COL6A5: variants seen among roughly 807,000 people sequenced by gnomAD.
The protein encoded by COL6A5 is collagen alpha-5(VI) chain.
COL6A5 carries 48 observed loss-of-function variants against 65.6 expected under a neutral mutation model. That is an observed-to-expected ratio of 0.73 (90% CI 0.58 to 0.93). The LOEUF is 0.93. Among genes scored for constraint, COL6A5 ranks in the 40% least tolerant of loss-of-function variants. The probability of loss-of-function intolerance (pLI) is 0.00; values close to 1 mark genes in which losing one functional copy is unlikely to be tolerated. For missense variants in COL6A5, 914 were observed against 928.3 expected (o/e 0.98, Z 0.20); for synonymous variants, 291 against 322.8 (o/e 0.90, Z 1.05).
intron 1 of COL6A5, among the ~76,000 whole-genome samples, chr3:130,371,758 A>T (rs1935571091): frequency 6.6e-6 from 1 of 152,184 alleles, no homozygotes; most frequent in Admixed American, 6.5e-5. Context: ...TCATGACTGT[A>T]GGCAATGGTG....
chr3:130,361,727 C>T (rs932220690), intron 1 of COL6A5, among the ~76,000 whole-genome samples: 2 of 152,082 alleles, frequency 1.3e-5, no homozygotes, highest in African/African-American at 4.8e-5. Context: ...GTTTCACATT[C>T]TTGCCAGCAT....
At chr3:130,346,203 A>G (rs1559849363) in intron 1 of COL6A5, among the ~76,000 whole-genome samples, 2 of 152,212 alleles carry the variant, frequency 1.3e-5, no homozygotes, top group African/African-American at 2.4e-5. Flanking sequence ...GTGTGATGCA[A>G]GGACTAATAG....
chr3:130,369,133 G>T (rs561936779), intron 1 of COL6A5, among the ~76,000 whole-genome samples: 14 of 152,300 alleles, frequency 9.2e-5, no homozygotes, highest in African/African-American at 3.1e-4. Context: ...TAGAAGGCAG[G>T]CATTAGGGAG....
At chr3:130,411,578 C>T (rs1032252061) in intron 20 of COL6A5, among the ~76,000 whole-genome samples, 8 of 152,110 alleles carry the variant, frequency 5.3e-5, no homozygotes, top group Admixed American at 2.0e-4. Context: ...GGGACTTTGC[C>T]CTCTTCTTCA....
chr3:130,464,718 T>A (rs1709774640), intron 5 of COL6A5, among the ~76,000 whole-genome samples: 1 of 152,142 alleles, frequency 6.6e-6, no homozygotes, highest in Non-Finnish European at 1.5e-5. Context: ...TGTTTTGTTG[T>A]TTAATCAGGG....
chr3:130,398,518 C>G (rs1936696631), intron 10 of COL6A5, among the ~76,000 whole-genome samples: 1 of 152,140 alleles, frequency 6.6e-6, no homozygotes, highest in African/African-American at 2.4e-5. Flanking sequence ...ATCTGCCTAG[C>G]TACTTGTAGC....
chr3:130,368,291 C>T (rs1935416749), intron 1 of COL6A5, among the ~76,000 whole-genome samples: 1 of 152,170 alleles, frequency 6.6e-6, no homozygotes, highest in Non-Finnish European at 1.5e-5. Context: ...CCAAACATGG[C>T]CTTTTGCTTC....
At chr3:130,439,418 T>G in intron 1 of COL6A5, 104 bp from the exon 34 acceptor site, 1 of 692,304 alleles carries the variant, frequency 1.4e-6, no homozygotes, top group Non-Finnish European at 2.5e-6. Context: ...TAATGCAAGG[T>G]AATAGTGATT....
In COL6A5 at chr3:130,469,127, C is replaced by T. The variant is rs772526257; in HGVS notation, c.1879C>T (p.Gln627Ter). ...TATACACCAAATGAAACATCATCTC[C>T]AAGACTCTCAACAGCTCAATGGAGA... The change falls in exon 6 of 8, where the codon CAA becomes TAA. Residue 627 changes from glutamine to a stop codon, truncating the protein, a stop_gained. Coordinates refer to ENST00000512836, the Ensembl canonical transcript of COL6A5. LOFTEE classifies it high-confidence loss of function. The T allele has an allele frequency of 8.7e-6, 14 of 1,612,952 alleles. No individual in the cohort carries two copies. The East Asian group carries it at 2.5e-4, about 28-fold the overall frequency.
intron 1 of COL6A5, among the ~76,000 whole-genome samples, chr3:130,359,799 G>T (rs990145030): frequency 6.6e-6 from 1 of 152,096 alleles, no homozygotes; most frequent in Admixed American, 6.5e-5. Context: ...AGACGGTCTG[G>T]CCTACAAAGC....
intron 20 of COL6A5, among the ~76,000 whole-genome samples, chr3:130,410,981 T>G (rs1472646808): frequency 6.6e-6 from 1 of 152,162 alleles, no homozygotes; most frequent in African/African-American, 2.4e-5. Flanking sequence ...GTAGCTTACA[T>G]AAGAATACTA....
chr3:130,377,725 C>T (rs1449912859), intron 3 of COL6A5, among the ~76,000 whole-genome samples: 2 of 152,122 alleles, frequency 1.3e-5, no homozygotes, highest in Non-Finnish European at 1.5e-5. Context: ...TAACCCTGAG[C>T]GTCAGTTTCC....
At chr3:130,397,992 T>C (rs1936669467) in intron 9 of COL6A5, 38 bp from the exon 10 acceptor site, 6 of 1,544,626 alleles carry the variant, frequency 3.9e-6, no homozygotes, top group Non-Finnish European at 5.3e-6. Context: ...CAATTATATA[T>C]TTAGCTTTTA....
chr3:130,424,064 G>A (rs936019675), intron 29 of COL6A5, among the ~76,000 whole-genome samples, 164 bp downstream of exon 29: 2 of 152,074 alleles, frequency 1.3e-5, no homozygotes, highest in East Asian at 1.9e-4. Flanking sequence ...TCTAAAATGA[G>A]TGGATGACAT....
chr3:130,468,440 A>C (rs1340131499), intron 5 of COL6A5, among the ~76,000 whole-genome samples: 1 of 152,232 alleles, frequency 6.6e-6, no homozygotes, highest in African/African-American at 2.4e-5. Flanking sequence ...TTTCATGCAC[A>C]TGTGTACTTC....
Position 130,362,272 on chromosome 3 carries a change from T to TCTCTCTCTCTCTCTCTCTCTC in COL6A5, c.-28-11339_-28-11338insCTCTCTCTCTCTCTCTCTCTC. Among the ~76,000 whole-genome samples, 2 of 14,628 alleles carry TCTCTCTCTCTCTCTCTCTCTC rather than the reference T, an allele frequency of 1.4e-4. 1 individual carries two copies. The highest frequency in any genetic ancestry group is 3.8e-3 in the South Asian group (2 of 532). The allele number at this position is 14,628 out of a possible 152,430, so 9.6% of individuals were successfully genotyped here. On this transcript the variant is annotated intron_variant and NMD_transcript_variant, in intron 1 of 41. Coordinates refer to the COL6A5 transcript ENST00000312481. Reference sequence around the variant, plus strand: ...TTTCTTTCTCTCTCTCTCTCTCTCTTTGTCTCTGTCTTTCTCCATATATAT... The same window carrying TCTCTCTCTCTCTCTCTCTCTC: ...TTTCTTTCTCTCTCTCTCTCTCTCTTCTCTCTCTCTCTCTCTCTCTCTGTCTCTGTCTTTCTCCATATATAT...
intron 1 of COL6A5, among the ~76,000 whole-genome samples, chr3:130,358,062 G>T (rs1402593787): frequency 6.6e-6 from 1 of 151,948 alleles, no homozygotes; most frequent in Non-Finnish European, 1.5e-5. Flanking sequence ...GGTGGCGGGC[G>T]CCTGTAGTCC....
At chr3:130,382,116 G>A (rs993967048) in intron 4 of COL6A5, among the ~76,000 whole-genome samples, 3 of 152,012 alleles carry the variant, frequency 2.0e-5, no homozygotes, top group Non-Finnish European at 2.9e-5. Context: ...GGAAGGAAAG[G>A]ACAATAAGAA....
chr3:130,372,576 A>G lies in COL6A5; in HGVS notation c.-28-1035A>G, dbSNP rs2107633958. Among the ~76,000 whole-genome samples, 3 of 152,332 alleles carry G rather than the reference A, an allele frequency of 2.0e-5. No homozygotes were observed. In the East Asian group the frequency reaches 5.8e-4, roughly 29 times the overall value. On this transcript the variant is annotated intron_variant and NMD_transcript_variant, in intron 1 of 41. Transcript: ENST00000312481. ...ATGAAAGAAGCCAAACATAAAGGCC[A>G]CATATTGTATGATTCTGTTTATACA...
Sources: gnomAD v4.1 joint callset for allele counts (sites outside exome capture counted in the v4.1 genomes callset) on GRCh38, gnomAD v4.1.1 for gene constraint, MANE v1.5 for transcripts, NCBI Gene and HGNC (gene_info 2026-07-23, HGNC 2026-07-21) for gene names.